Variants in NRXN1 observed in about 807,000 individuals in gnomAD.
NRXN1 encodes the protein neurexin-1.
NRXN1 carries 39 observed loss-of-function variants against 150.9 expected under a neutral mutation model. The observed-to-expected ratio is 0.26, with a 90% CI of 0.20 to 0.34. The LOEUF is 0.34. Among genes scored for constraint, NRXN1 ranks in the 10% least tolerant of loss-of-function variants. The probability of loss-of-function intolerance (pLI) is 1.00; values close to 1 mark genes in which losing one functional copy is unlikely to be tolerated. For synonymous variants in NRXN1, 924 were observed against 757.0 expected (o/e 1.22, Z -3.62); for missense variants, 1,815 against 1,949.9 (o/e 0.93, Z 1.30).
intron 18 of NRXN1, among the ~76,000 whole-genome samples, chr2:50,165,112 T>C (rs2059595779): frequency 1.3e-5 from 2 of 152,150 alleles, no homozygotes; most frequent in South Asian, 4.1e-4. Flanking sequence ...CTGAGGTTGC[T>C]GAAGAAGACC....
chr2:50,639,218 C>A (rs1246625546), intron 5 of NRXN1, among the ~76,000 whole-genome samples: 41 of 99,746 alleles, frequency 4.1e-4, no homozygotes, highest in African/African-American at 1.2e-3. Flanking sequence ...TTCTTTCTTT[C>A]TTTCTTTTTT....
At chr2:50,964,262 A>T (rs1304656631) in intron 2 of NRXN1, among the ~76,000 whole-genome samples, 2 of 151,498 alleles carry the variant, frequency 1.3e-5, no homozygotes, top group Non-Finnish European at 3.0e-5. Flanking sequence ...GTCAAGTAGT[A>T]TTTTATTCTT....
At chr2:50,867,185 T>G (rs996452431) in intron 5 of NRXN1, among the ~76,000 whole-genome samples, 38 of 151,888 alleles carry the variant, frequency 2.5e-4, no homozygotes, top group African/African-American at 8.9e-4. Context: ...ACAGAATATA[T>G]TCTTCTTTAA....
chr2:50,298,786 G>A (rs1391783735), intron 17 of NRXN1, among the ~76,000 whole-genome samples: 2 of 152,098 alleles, frequency 1.3e-5, no homozygotes, highest in Admixed American at 1.3e-4. Flanking sequence ...ATGTAGCTTA[G>A]TTGTCTGTGG....
chr2:50,602,943 G>C (rs367694509), intron 8 of NRXN1, among the ~76,000 whole-genome samples: 1 of 152,294 alleles, frequency 6.6e-6, no homozygotes, highest in Admixed American at 6.5e-5. Flanking sequence ...GACGCAGTCT[G>C]CCCCTGATAT....
intron 17 of NRXN1, among the ~76,000 whole-genome samples, chr2:50,273,057 A>G (rs991530380): frequency 6.6e-6 from 1 of 152,192 alleles, no homozygotes; most frequent in South Asian, 2.1e-4. Flanking sequence ...CTCTAAACAT[A>G]CAAAAACATG....
At chr2:49,971,251 T>A (rs2152495626) in intron 21 of NRXN1, among the ~76,000 whole-genome samples, 1 of 152,226 alleles carries the variant, frequency 6.6e-6, no homozygotes, top group East Asian at 1.9e-4. Context: ...ACCTTATCAA[T>A]GCACCCAGAT....
chr2:50,053,146 T>G, intron 21 of NRXN1, 125 bp downstream of exon 21: 1 of 923,960 alleles, frequency 1.1e-6, no homozygotes, highest in South Asian at 1.3e-5. Context: ...TAAGCTAGTT[T>G]CAAAGGAAGC....
chr2:50,259,587 G>C (rs1055641457), intron 17 of NRXN1, among the ~76,000 whole-genome samples: 27 of 151,706 alleles, frequency 1.8e-4, no homozygotes, highest in African/African-American at 6.5e-4. Flanking sequence ...CTCTTTTGTA[G>C]ATTTTTGCCA....
intron 17 of NRXN1, among the ~76,000 whole-genome samples, chr2:50,275,128 T>C (rs2070271469): frequency 6.6e-6 from 1 of 152,216 alleles, no homozygotes; most frequent in Admixed American, 6.5e-5. Flanking sequence ...GAAGTGAGGC[T>C]ACTGGACTAC....
intron 8 of NRXN1, among the ~76,000 whole-genome samples, chr2:50,578,023 G>A (rs993249045): frequency 1.1e-4 from 16 of 152,160 alleles, no homozygotes; most frequent in African/African-American, 3.6e-4. Flanking sequence ...ATTTAGCAAA[G>A]AAAGAATAGT....
intron 18 of NRXN1, among the ~76,000 whole-genome samples, chr2:50,131,115 A>G (rs1705418237): frequency 1.3e-5 from 2 of 152,204 alleles, no homozygotes; most frequent in African/African-American, 4.8e-5. Context: ...TAGGAAGCAA[A>G]TATTCAATGG....
chr2:50,537,664 G>C lies in NRXN1; in HGVS notation c.2143+589C>G, dbSNP rs752318447. On this transcript the variant is annotated intron_variant, in intron 10 of 22. Transcript: ENST00000401669. ...ATCCTCTGCAGTTGGTTAGGTCCTA[G>C]CCAAAGGTAAGTACTTTTTCTATTA... Among the ~76,000 whole-genome samples the C allele has an allele frequency of 2.0e-5, 3 of 152,194 alleles. No homozygotes were observed. In the South Asian group the frequency reaches 6.2e-4, roughly 32 times the overall value.
chr2:50,415,479 C>G (rs1324996751), intron 17 of NRXN1, among the ~76,000 whole-genome samples: 1 of 152,122 alleles, frequency 6.6e-6, no homozygotes, highest in Non-Finnish European at 1.5e-5. Flanking sequence ...ATAAAGATAT[C>G]ATTTGCTCCA....
chr2:50,685,409 C>G (rs967961359), intron 5 of NRXN1, among the ~76,000 whole-genome samples: 3 of 152,142 alleles, frequency 2.0e-5, no homozygotes, highest in Non-Finnish European at 4.4e-5. Context: ...ATATCCCACC[C>G]TTTTCAAATG....
chr2:50,790,909 A>T (rs776673976), intron 5 of NRXN1, among the ~76,000 whole-genome samples: 2 of 152,100 alleles, frequency 1.3e-5, no homozygotes, highest in African/African-American at 2.4e-5. Flanking sequence ...CACTTTTGGC[A>T]TCAAGTGGGT....
At chr2:50,927,156 A>C (rs978547433) in intron 2 of NRXN1, among the ~76,000 whole-genome samples, 7 of 152,052 alleles carry the variant, frequency 4.6e-5, no homozygotes, top group African/African-American at 1.7e-4. Flanking sequence ...ACATGGCAAC[A>C]TGCAAGTATA....
At chr2:50,004,167 A>G (rs1380216946) in intron 21 of NRXN1, among the ~76,000 whole-genome samples, 1 of 152,096 alleles carries the variant, frequency 6.6e-6, no homozygotes, top group Non-Finnish European at 1.5e-5. Context: ...AAAGTCTTGT[A>G]GTTATTTTAG....
At chr2:51,005,563 T>G (rs186386757) in intron 2 of NRXN1, among the ~76,000 whole-genome samples, 9 of 151,958 alleles carry the variant, frequency 5.9e-5, no homozygotes, top group East Asian at 5.9e-4. Context: ...GTCTCACATA[T>G]GGAAGTGAAA....
Sources: gnomAD v4.1 joint callset for allele counts (sites outside exome capture counted in the v4.1 genomes callset) on GRCh38, gnomAD v4.1.1 for gene constraint, MANE v1.5 for transcripts, NCBI Gene and HGNC (gene_info 2026-07-23, HGNC 2026-07-21) for gene names.